Variants in CTNNA3 observed in about 807,000 individuals in gnomAD.
CTNNA3 encodes the protein catenin alpha 3.
Under a neutral mutation model 95.7 loss-of-function variants are expected in CTNNA3, and 76 were observed. That is an observed-to-expected ratio of 0.79 (90% confidence interval 0.66 to 0.96). CTNNA3 has a LOEUF of 0.96. Ranked by LOEUF, CTNNA3 falls within the 40% of genes least tolerant of loss-of-function variation. CTNNA3 has a pLI of 0.00. For missense variants in CTNNA3, 1,191 were observed against 1,089.8 expected (o/e 1.09, Z -1.31); for synonymous variants, 431 against 374.4 (o/e 1.15, Z -1.74).
At chr10:66,794,905 T>C (rs894053501) in intron 7 of CTNNA3, among the ~76,000 whole-genome samples, 1 of 152,106 alleles carries the variant, frequency 6.6e-6, no homozygotes, top group African/African-American at 2.4e-5. Context: ...TGTTCATTCA[T>C]GAGAAGCAAC....
chr10:67,530,379 T>TG (rs1840290286), intron 4 of CTNNA3, among the ~76,000 whole-genome samples: 1 of 152,216 alleles, frequency 6.6e-6, no homozygotes, highest in Admixed American at 6.5e-5. Flanking sequence ...AAGCCCAGGC[T>TG]GAGGTGGTCT....
At chr10:67,320,508 TG>T (rs1048229079) in intron 5 of CTNNA3, among the ~76,000 whole-genome samples, 15 of 152,268 alleles carry the variant, frequency 9.9e-5, no homozygotes, top group African/African-American at 3.4e-4. Context: ...CAAGAAATAT[TG>T]GCCAATATAT....
intron 5 of CTNNA3, among the ~76,000 whole-genome samples, chr10:67,249,393 CATA>C (rs1006187277): frequency 3.9e-5 from 6 of 152,106 alleles, no homozygotes; most frequent in African/African-American, 1.4e-4. Flanking sequence ...CATAAAATGG[CATA>C]ATATTTACAT....
chr10:67,372,499 A>T (rs1450939546), intron 5 of CTNNA3, among the ~76,000 whole-genome samples: 1 of 152,234 alleles, frequency 6.6e-6, no homozygotes, highest in Admixed American at 6.5e-5. Flanking sequence ...TCTACGTCTG[A>T]TTGGTGTACC....
intron 7 of CTNNA3, among the ~76,000 whole-genome samples, chr10:66,989,170 T>G (rs1359624722): frequency 6.6e-6 from 1 of 152,196 alleles, no homozygotes; most frequent in Non-Finnish European, 1.5e-5. Flanking sequence ...AAAATCTTTT[T>G]GAAGGTAATG....
At chr10:65,966,902 C>T (rs889302997) in intron 16 of CTNNA3, among the ~76,000 whole-genome samples, 156 bp from the exon 17 acceptor site, 2 of 152,146 alleles carry the variant, frequency 1.3e-5, no homozygotes, top group Non-Finnish European at 2.9e-5. Context: ...CTACCATTTA[C>T]AATAGTTCAT....
chr10:66,032,121 A>C (rs1463251003), intron 15 of CTNNA3, among the ~76,000 whole-genome samples: 2 of 152,196 alleles, frequency 1.3e-5, no homozygotes, highest in Non-Finnish European at 2.9e-5. Context: ...GGGACAGGGA[A>C]GGTGTGAGTG....
In CTNNA3 at chr10:66,621,752, A is replaced by T; in HGVS notation, c.1314T>A (p.Asn438Lys). 1 of 1,612,018 alleles carries T rather than the reference A, an allele frequency of 6.2e-7. No homozygotes were observed. The highest frequency in any genetic ancestry group is 1.3e-5 in the African/African-American group (1 of 74,898). Reference protein sequence around the residue: ...VANLACSMSTNEDGIKIVKIA... With the variant: ...VANLACSMSTKEDGIKIVKIA... ...TTTTGACAATTTTAATTCCATCTTCATTTGTTGACATGGAACAAGCAAGAT... is the reference window on the plus strand; with the variant it reads ...TTTTGACAATTTTAATTCCATCTTCTTTTGTTGACATGGAACAAGCAAGAT... The change falls in exon 10 of 18, where the codon AAT (asparagine) becomes AAA (lysine). Residue 438 changes from asparagine to lysine, a missense_variant. Transcript: ENST00000433211.
At chr10:66,289,771 A>C (rs2091648549) in intron 12 of CTNNA3, among the ~76,000 whole-genome samples, 1 of 152,074 alleles carries the variant, frequency 6.6e-6, no homozygotes, top group African/African-American at 2.4e-5. Context: ...AAGAAAATGA[A>C]GTTTTATAAC....
chr10:66,346,240 TATATATAGAGAGAGAGAGAGAGAG>T (rs1281838482), intron 12 of CTNNA3, among the ~76,000 whole-genome samples: 11 of 11,364 alleles, frequency 9.7e-4, no homozygotes, highest in African/African-American at 4.1e-3. Flanking sequence ...TATATATATA[TATATATAGAGAGAGAGAGAGAGAG>T]AGAGAGAGAG....
chr10:67,249,567 C>T (rs1040803043), intron 5 of CTNNA3, among the ~76,000 whole-genome samples: 5 of 151,848 alleles, frequency 3.3e-5, no homozygotes, highest in African/African-American at 7.3e-5. Flanking sequence ...AACTTTCTAC[C>T]GTATGTATTA....
At chr10:65,958,941 T>A (rs1339046821) in intron 17 of CTNNA3, among the ~76,000 whole-genome samples, 1 of 152,210 alleles carries the variant, frequency 6.6e-6, no homozygotes. Flanking sequence ...GACGTTTAAG[T>A]CTGCAGAAGT....
At chr10:66,479,587 C>G (rs115881247) in intron 11 of CTNNA3, among the ~76,000 whole-genome samples, 2,985 of 151,966 alleles carry the variant, frequency 0.02, 110 homozygotes, top group African/African-American at 0.069. Flanking sequence ...ACCCCTTAGT[C>G]ACAAATAATT....
chr10:67,742,430 A>G (rs1589587066), intron 1 of CTNNA3, among the ~76,000 whole-genome samples: 1 of 151,362 alleles, frequency 6.6e-6, no homozygotes, highest in African/African-American at 2.4e-5. Context: ...GAAGGCAGAA[A>G]CAAAGATGTT....
At chr10:66,235,824 A>C (rs1047211497) in intron 13 of CTNNA3, among the ~76,000 whole-genome samples, 1 of 152,140 alleles carries the variant, frequency 6.6e-6, no homozygotes. Context: ...ATTATGTTTT[A>C]TTTTAATGTC....
At chr10:66,275,580 G>A (rs1295060756) in intron 13 of CTNNA3, among the ~76,000 whole-genome samples, 2 of 152,110 alleles carry the variant, frequency 1.3e-5, no homozygotes, top group African/African-American at 4.8e-5. Flanking sequence ...AATATAAATG[G>A]TAACATGTAC....
chr10:66,212,238 C>T (rs2088217594), intron 13 of CTNNA3, among the ~76,000 whole-genome samples: 2 of 152,050 alleles, frequency 1.3e-5, no homozygotes, highest in African/African-American at 4.8e-5. Flanking sequence ...GATCCACCCA[C>T]CTCGGCCTCC....
chr10:67,528,779 C>T (rs1204875937), intron 4 of CTNNA3, among the ~76,000 whole-genome samples: 1 of 152,118 alleles, frequency 6.6e-6, no homozygotes, highest in East Asian at 1.9e-4. Flanking sequence ...ACAAAGTAAG[C>T]ACACAAAAAT....
intron 5 of CTNNA3, among the ~76,000 whole-genome samples, chr10:67,226,114 A>G (rs1451434121): frequency 6.6e-6 from 1 of 152,204 alleles, no homozygotes; most frequent in East Asian, 1.9e-4. Context: ...GAACAAGTAG[A>G]AGAAAGAAAT....
Sources: allele counts gnomAD v4.1 joint callset (sites outside exome capture counted in the v4.1 genomes callset), GRCh38; gene constraint gnomAD v4.1.1; transcripts MANE v1.5; gene names NCBI Gene and HGNC (gene_info 2026-07-23, HGNC 2026-07-21).